NUDCD3: variants seen among roughly 807,000 people sequenced by gnomAD.
The protein encoded by NUDCD3 is NudC domain containing 3, also known as nudC domain-containing protein 3.
Under a neutral mutation model 39.7 loss-of-function variants are expected in NUDCD3, and 13 were observed. The ratio of observed to expected loss-of-function variants is 0.33; its 90% CI spans 0.21 to 0.52. NUDCD3 has a LOEUF of 0.52. Among genes scored for constraint, NUDCD3 ranks in the 20% least tolerant of loss-of-function variants. The probability of loss-of-function intolerance (pLI) is 0.96; values close to 1 mark genes in which losing one functional copy is unlikely to be tolerated. For synonymous variants in NUDCD3, 175 were observed against 172.4 expected (o/e 1.02, Z -0.12); for missense variants, 453 against 458.1 (o/e 0.99, Z 0.10).
intron 5 of NUDCD3, among the ~76,000 whole-genome samples, chr7:44,387,539 A>G (rs538602349): frequency 2.0e-5 from 3 of 152,336 alleles, no homozygotes; most frequent in African/African-American, 7.2e-5. Flanking sequence ...CACAGCCTCA[A>G]CAAAACACAA....
chr7:44,461,124 C>G (rs186547303), intron 2 of NUDCD3, among the ~76,000 whole-genome samples: 1 of 152,336 alleles, frequency 6.6e-6, no homozygotes, highest in East Asian at 1.9e-4. Flanking sequence ...TCTTCTATCT[C>G]CTTGCCTTCC....
chr7:44,441,456 T>G (rs1799582987), intron 2 of NUDCD3, among the ~76,000 whole-genome samples: 1 of 152,124 alleles, frequency 6.6e-6, no homozygotes, highest in Non-Finnish European at 1.5e-5. Context: ...TTGTCCAATT[T>G]TGCTCCCGCC....
At chr7:44,407,312 T>C (rs1798842987) in intron 3 of NUDCD3, among the ~76,000 whole-genome samples, 1 of 149,688 alleles carries the variant, frequency 6.7e-6, no homozygotes, top group Admixed American at 6.6e-5. Flanking sequence ...ACACCTGTAA[T>C]CTCAGCACTT....
At chr7:44,418,212 AG>A in intron 3 of NUDCD3, among the ~76,000 whole-genome samples, 1 of 152,198 alleles carries the variant, frequency 6.6e-6, no homozygotes, top group East Asian at 1.9e-4. Context: ...TACCCAGCCG[AG>A]GCAGGAATGG....
At chr7:44,467,916 T>C (rs1194299715) in intron 2 of NUDCD3, 18 of 1,606,594 alleles carry the variant, frequency 1.1e-5, no homozygotes, top group Admixed American at 6.7e-5. Context: ...CTCAGACCCC[T>C]TGTGAAGCCC....
In NUDCD3 at chr7:44,485,362, T is replaced by G. The variant is rs536288913; in HGVS notation, c.193-78A>C. On this transcript the variant is annotated intron_variant, in intron 1 of 5. Coordinates refer to ENST00000355451, the MANE Select transcript of NUDCD3 (RefSeq NM_015332.4). ...CATATCTTGTAGAAATGTCGTAAAATCTGTGAAGGAGAGAACTAAAAGTCA... is the reference window on the plus strand; with the variant it reads ...CATATCTTGTAGAAATGTCGTAAAAGCTGTGAAGGAGAGAACTAAAAGTCA... 3 of 1,270,984 alleles carry G rather than the reference T, an allele frequency of 2.4e-6. No homozygotes were observed. The African/African-American group carries it at 4.5e-5, about 19-fold the overall frequency. The allele number at this position is 1,270,984 out of a possible 1,614,324, so 78.7% of individuals were successfully genotyped here.
intron 2 of NUDCD3, chr7:44,468,366 A>AAAAAAG: frequency 7.7e-7 from 1 of 1,294,416 alleles, no homozygotes; most frequent in East Asian, 2.5e-5. Context: ...AAAAAAAAAA[A>AAAAAAG]AAAAGAAAAG....
intron 3 of NUDCD3, among the ~76,000 whole-genome samples, chr7:44,421,774 C>G (rs1417645343): frequency 6.6e-6 from 1 of 152,170 alleles, no homozygotes; most frequent in Non-Finnish European, 1.5e-5. Context: ...AGAAAATTAA[C>G]AAGGATATTC....
chr7:44,426,003 G>A, intron 3 of NUDCD3: 2 of 370,446 alleles, frequency 5.4e-6, no homozygotes, highest in Non-Finnish European at 7.5e-6. Flanking sequence ...GGCGCAATCG[G>A]TTAGCATGCG....
At chr7:44,476,915 G>C (rs1800382345) in intron 2 of NUDCD3, among the ~76,000 whole-genome samples, 1 of 152,176 alleles carries the variant, frequency 6.6e-6, no homozygotes. Context: ...AAAGTGAAGA[G>C]TGCCCATACC....
intron 2 of NUDCD3, among the ~76,000 whole-genome samples, chr7:44,477,943 G>A (rs954853508): frequency 1.4e-5 from 2 of 147,734 alleles, no homozygotes; most frequent in Non-Finnish European, 3.0e-5. Context: ...ATGCAATTCT[G>A]CTGCCTCAGC....
At chr7:44,468,666 C>G (rs547603028) in intron 2 of NUDCD3, among the ~76,000 whole-genome samples, 10 of 152,310 alleles carry the variant, frequency 6.6e-5, no homozygotes, top group Non-Finnish European at 1.0e-4. Flanking sequence ...ACTAACACAG[C>G]AGGCCCAGCT....
intron 2 of NUDCD3, among the ~76,000 whole-genome samples, chr7:44,476,397 G>A (rs1319174474): frequency 6.6e-6 from 1 of 152,200 alleles, no homozygotes; most frequent in Non-Finnish European, 1.5e-5. Context: ...TTTGGGAGAC[G>A]ATTAGGTCAT....
chr7:44,383,423 A>AG lies in NUDCD3; in HGVS notation c.*2587dup, dbSNP rs1343688475. The AG allele has an allele frequency of 6.6e-6, 1 of 152,232 alleles. No homozygotes were observed. Among genetic ancestry groups the AG allele is most frequent in the Non-Finnish European group, 1.5e-5 (1 of 68,050 alleles). 9.4% of individuals were successfully genotyped at this position (152,232 alleles called of 1,614,324 possible). A position where few individuals can be genotyped will look rare whatever the true frequency, so the allele number is the denominator to read the frequency against. ...TTACAGGATTTCTAAAGCTGTATTG[A>AG]GATCTTGCCCAGTGCATTCAGACCA... On this transcript the variant is annotated 3_prime_UTR_variant, in exon 6 of 6. Transcript: ENST00000355451.
At chr7:44,432,162 G>C (rs1048638284) in intron 2 of NUDCD3, among the ~76,000 whole-genome samples, 1 of 152,196 alleles carries the variant, frequency 6.6e-6, no homozygotes, top group Non-Finnish European at 1.5e-5. Context: ...CACACCTGTA[G>C]TGCTGGCTAC....
intron 2 of NUDCD3, among the ~76,000 whole-genome samples, chr7:44,476,046 G>A (rs538915121): frequency 6.6e-6 from 1 of 152,276 alleles, no homozygotes; most frequent in Admixed American, 6.5e-5. Flanking sequence ...CTACGGGGTT[G>A]GGTATATGGA....
rs1554489214 is a variant in NUDCD3, at chr7:44,412,951, A to AG, written c.643-8369_643-8368insC. Among the ~76,000 whole-genome samples, 59 of 144,506 alleles carry AG rather than the reference A, an allele frequency of 4.1e-4. 3 individuals carry two copies. Among genetic ancestry groups the AG allele is most frequent in the Non-Finnish European group, 5.4e-4 (35 of 65,366 alleles). The allele number at this position is 144,506 out of a possible 152,430, so 94.8% of individuals were successfully genotyped here. ...CAAAAAAAAAAAAAAAAGAAAAAAA[A>AG]AAAGAAAGAAACCATTGACCATTGG... is the stretch of plus-strand genomic sequence containing the variant. On this transcript the variant is annotated intron_variant, in intron 3 of 5. Coordinates refer to ENST00000355451, the MANE Select transcript of NUDCD3 (RefSeq NM_015332.4).
At chr7:44,393,814 T>A (rs556188171) in intron 4 of NUDCD3, among the ~76,000 whole-genome samples, 2 of 152,118 alleles carry the variant, frequency 1.3e-5, no homozygotes, top group South Asian at 4.1e-4. Flanking sequence ...ACTGACCAGG[T>A]GGGCAAAACC....
At position 44,390,134 on chromosome 7, in the gene NUDCD3, G is replaced by T. The variant is rs548904832; in HGVS notation, c.975+2163C>A. ...AATACCAGCACTTTGGGAGGCTAAA[G>T]CAGGTGGATCATCTGAGGTCAGGAG... On this transcript the variant is annotated intron_variant, in intron 5 of 5. Transcript: ENST00000355451. 7.2e-5 allele frequency among the ~76,000 whole-genome samples: 11 copies of T among 152,138 alleles called. No homozygotes were observed. The South Asian group carries it at 8.3e-4, about 11-fold the overall frequency.
Sources: allele counts gnomAD v4.1 joint callset (sites outside exome capture counted in the v4.1 genomes callset), GRCh38; gene constraint gnomAD v4.1.1; transcripts MANE v1.5; gene names NCBI Gene and HGNC (gene_info 2026-07-23, HGNC 2026-07-21).